Variants in ITGB8 observed in about 807,000 individuals in gnomAD.
ITGB8 encodes integrin beta-8.
Under a neutral mutation model 89.5 loss-of-function variants are expected in ITGB8, and 30 were observed. The observed-to-expected ratio is 0.34, with a 90% CI of 0.25 to 0.45. ITGB8 has a LOEUF of 0.45. Among genes scored for constraint, ITGB8 ranks in the 20% least tolerant of loss-of-function variants. The pLI is 1.00. For missense variants in ITGB8, 836 were observed against 933.3 expected (o/e 0.90, Z 1.36); for synonymous variants, 335 against 320.4 (o/e 1.05, Z -0.49).
At chr7:20,383,409 C>T (rs1044461843) in intron 6 of ITGB8, among the ~76,000 whole-genome samples, 1 of 152,136 alleles carries the variant, frequency 6.6e-6, no homozygotes, top group Non-Finnish European at 1.5e-5. Flanking sequence ...TTAGTCATTT[C>T]TTATCTATCT....
chr7:20,379,076 A>T lies in ITGB8; in HGVS notation c.414A>T (p.Lys138Asn). The change falls in exon 4 of 14, where the codon AAA becomes AAT. Residue 138 changes from lysine (K) to asparagine (N), a missense_variant. Coordinates refer to ENST00000222573, the MANE Select transcript of ITGB8 (RefSeq NM_002214.3). ...GAGCCGAAGCTAATTTTATGCTGAA[A>T]GTTCATCCTCTGAAGAAATATCCTG... ...RPGAEANFML[K>N]VHPLKKYPVD... is the part of the protein sequence containing the mutation. 1 of 1,589,186 alleles carries T rather than the reference A, an allele frequency of 6.3e-7. No homozygotes were observed. The highest frequency in any genetic ancestry group is 2.3e-5 in the East Asian group (1 of 43,978).
chr7:20,364,230 C>G lies in ITGB8; in HGVS notation c.213+508C>G, dbSNP rs1442473204. On this transcript the variant is annotated intron_variant, in intron 2 of 13. Coordinates refer to ENST00000222573, the MANE Select transcript of ITGB8 (RefSeq NM_002214.3). ...GTCAGTAATCTGGAGTTAGAACTGCCTGTATCTAGTAAATTGCACTGAAGA... is the reference window on the plus strand; with the variant it reads ...GTCAGTAATCTGGAGTTAGAACTGCGTGTATCTAGTAAATTGCACTGAAGA... 3.3e-5 allele frequency among the ~76,000 whole-genome samples: 5 copies of G among 152,076 alleles called. No homozygotes were observed. The East Asian group carries it at 9.6e-4, about 29-fold the overall frequency.
intron 3 of ITGB8, among the ~76,000 whole-genome samples, chr7:20,371,983 TAGAA>T (rs1200978603): frequency 6.6e-6 from 1 of 152,234 alleles, no homozygotes; most frequent in East Asian, 1.9e-4. Context: ...TTCCTAGAAC[TAGAA>T]AGTTTGAACA....
rs530416219 is a variant in ITGB8, at chr7:20,410,941, T to C, written c.*944T>C. On this transcript the variant is annotated 3_prime_UTR_variant, in exon 14 of 14. Coordinates refer to ENST00000222573, the MANE Select transcript of ITGB8 (RefSeq NM_002214.3). Reference sequence around the variant, plus strand: ...CATTAATTCACAAGATAGTTAGAAATTCTGCCTCAAGCAAAGTACCACATT... The same window carrying C: ...CATTAATTCACAAGATAGTTAGAAACTCTGCCTCAAGCAAAGTACCACATT... 12 of 152,670 alleles carry C rather than the reference T, an allele frequency of 7.9e-5. No homozygotes were observed. The East Asian group carries it at 2.1e-3, about 27-fold the overall frequency. The allele number at this position is 152,670 out of a possible 1,614,324, so 9.5% of individuals were successfully genotyped here.
intron 1 of ITGB8, among the ~76,000 whole-genome samples, chr7:20,339,688 T>C (rs1264204529): frequency 6.6e-6 from 1 of 152,216 alleles, no homozygotes; most frequent in African/African-American, 2.4e-5. Flanking sequence ...TTTAAGATGA[T>C]TTTTAAAGAT....
At position 20,414,127 on chromosome 7, in the gene ITGB8, G is replaced by A. The variant is rs1382179082; in HGVS notation, c.*4130G>A. The stretch of plus-strand genomic sequence containing the variant: ...CTTCAGATGCAGTGTTTAAAATTAT[G>A]CTTGAATAAATATTACACTAATCCA... On this transcript the variant is annotated 3_prime_UTR_variant, in exon 14 of 14. Coordinates refer to ENST00000222573, the MANE Select transcript of ITGB8 (RefSeq NM_002214.3). The A allele has an allele frequency of 6.6e-6, 1 of 152,062 alleles. No individual in the cohort carries two copies. The highest frequency in any genetic ancestry group is 1.5e-5 in the Non-Finnish European group (1 of 67,966). 9.4% of individuals were successfully genotyped at this position (152,062 alleles called of 1,614,324 possible). A position where few individuals can be genotyped will look rare whatever the true frequency, so the allele number is the denominator to read the frequency against.
intron 1 of ITGB8, among the ~76,000 whole-genome samples, chr7:20,358,142 TC>T (rs1785363738): frequency 6.6e-6 from 1 of 152,018 alleles, no homozygotes; most frequent in Non-Finnish European, 1.5e-5. Context: ...ATTTTTTGTA[TC>T]TTTAGTAGAG....
chr7:20,376,985 C>G (rs1314815485), intron 3 of ITGB8, among the ~76,000 whole-genome samples: 1 of 152,194 alleles, frequency 6.6e-6, no homozygotes, highest in Non-Finnish European at 1.5e-5. Context: ...AGCCTCTCTT[C>G]TTTGCTGAGG....
At chr7:20,387,381 C>A (rs926426059) in intron 6 of ITGB8, among the ~76,000 whole-genome samples, 3 of 152,264 alleles carry the variant, frequency 2.0e-5, no homozygotes, top group South Asian at 2.1e-4. Context: ...ACGAAGTTAA[C>A]CTATTTAATC....
intron 8 of ITGB8, among the ~76,000 whole-genome samples, chr7:20,398,508 C>T (rs915610033): frequency 6.6e-6 from 1 of 152,110 alleles, no homozygotes; most frequent in African/African-American, 2.4e-5. Context: ...TATATGTGTT[C>T]TCAAGGTTTA....
chr7:20,376,625 G>T (rs1198967590), intron 3 of ITGB8, among the ~76,000 whole-genome samples: 2 of 151,994 alleles, frequency 1.3e-5, no homozygotes, highest in African/African-American at 4.8e-5. Flanking sequence ...TCAAACTAAT[G>T]GGCATGACAT....
rs143283580 is a variant in ITGB8, at chr7:20,371,740, T to C, written c.388+4554T>C. On this transcript the variant is annotated intron_variant, in intron 3 of 13. Coordinates refer to ENST00000222573, the MANE Select transcript of ITGB8 (RefSeq NM_002214.3). Reference sequence around the variant, plus strand: ...TTTAAAACACATCTTCACTGAAACTTATTATGCATGTATCTTTGTATATAA... The same window carrying C: ...TTTAAAACACATCTTCACTGAAACTCATTATGCATGTATCTTTGTATATAA... Among the ~76,000 whole-genome samples the C allele has an allele frequency of 1.2e-4, 18 of 152,334 alleles. No homozygotes were observed. The East Asian group carries it at 2.7e-3, about 23-fold the overall frequency.
chr7:20,365,044 T>C (rs1000054011), intron 2 of ITGB8: 1 of 152,216 alleles, frequency 6.6e-6, no homozygotes, highest in Non-Finnish European at 1.5e-5. Flanking sequence ...ACATGTAACA[T>C]GTTAGCCATA....
At chr7:20,364,147 C>CAAA (rs1456761968) in intron 2 of ITGB8, among the ~76,000 whole-genome samples, 1 of 152,128 alleles carries the variant, frequency 6.6e-6, no homozygotes, top group Non-Finnish European at 1.5e-5. Context: ...CTTAGTAAAA[C>CAAA]AATTACAATG....
rs1020903841 is a variant in ITGB8 at position 20,414,150 on chromosome 7, C to A, written c.*4153C>A. The A allele has an allele frequency of 1.3e-5, 2 of 152,088 alleles. No homozygotes were observed. The highest frequency in any genetic ancestry group is 4.8e-5 in the African/African-American group (2 of 41,422). 9.4% of individuals were successfully genotyped at this position (152,088 alleles called of 1,614,324 possible). A position where few individuals can be genotyped will look rare whatever the true frequency, so the allele number is the denominator to read the frequency against. ...ATGCTTGAATAAATATTACACTAAT[C>A]CAACTTTACCTAAATGTTTATGCAT... On this transcript the variant is annotated 3_prime_UTR_variant, in exon 14 of 14. Coordinates refer to ENST00000222573, the MANE Select transcript of ITGB8 (RefSeq NM_002214.3).
At chr7:20,338,233 G>C (rs1784638667) in intron 1 of ITGB8, among the ~76,000 whole-genome samples, 1 of 152,158 alleles carries the variant, frequency 6.6e-6, no homozygotes, top group Non-Finnish European at 1.5e-5. Context: ...TTCTTTGCCT[G>C]GTTTGTAGCT....
In ITGB8 at chr7:20,331,823, T is replaced by C. The variant is rs892781608; in HGVS notation, c.17T>C (p.Leu6Pro). The change falls in exon 1 of 14, where the codon CTG becomes CCG. Residue 6 changes from leucine to proline, a missense_variant. By Grantham distance (98) the Leu-to-Pro change is moderately conservative. This residue lies in a region of ITGB8 where 182 missense variants were observed against 177.0 expected (regional missense o/e 1.03). Transcript: ENST00000222573. MCGSA[L>P]AFFTAAFVCL... Reference sequence around the variant, plus strand: ...TTTTGCATTATGTGCGGCTCGGCCCTGGCTTTTTTTACCGCTGCATTTGTC... The same window carrying C: ...TTTTGCATTATGTGCGGCTCGGCCCCGGCTTTTTTTACCGCTGCATTTGTC... The C allele has an allele frequency of 1.9e-6, 3 of 1,613,124 alleles. No homozygotes were observed. The highest frequency in any genetic ancestry group is 2.2e-5 in the South Asian group (2 of 91,026).
chr7:20,402,703 G>A (rs1055998175), intron 10 of ITGB8, among the ~76,000 whole-genome samples: 1 of 152,100 alleles, frequency 6.6e-6, no homozygotes, highest in African/African-American at 2.4e-5. Context: ...AGAAAATACT[G>A]CCTTACTAAG....
chr7:20,399,621 G>C lies in ITGB8; in HGVS notation c.1281+627G>C, dbSNP rs1173508950. ...GAGATCCAGATTGTAACAGTATCAGGAAACAGCACCAGAGGAGATAGAGAT... is the reference window on the plus strand; with the variant it reads ...GAGATCCAGATTGTAACAGTATCAGCAAACAGCACCAGAGGAGATAGAGAT... On this transcript the variant is annotated intron_variant, in intron 9 of 13. Transcript: ENST00000222573. 6.6e-5 allele frequency among the ~76,000 whole-genome samples: 10 copies of C among 151,620 alleles called. No homozygotes were observed. The East Asian group carries it at 1.9e-3, about 29-fold the overall frequency.
Sources: gnomAD v4.1 joint callset for allele counts (sites outside exome capture counted in the v4.1 genomes callset) on GRCh38, gnomAD v4.1.1 for gene constraint, gnomAD v4.1.1 regional missense constraint, MANE v1.5 for transcripts, NCBI Gene and HGNC (gene_info 2026-07-23, HGNC 2026-07-21) for gene names.